Variants in CTNNBL1 observed in about 807,000 individuals in gnomAD.
The protein encoded by CTNNBL1 is catenin beta like 1, also known as beta-catenin-like protein 1.
In CTNNBL1, 31 loss-of-function variants were observed where a neutral mutation model predicts 72.7. The observed-to-expected ratio is 0.43, with a 90% CI of 0.32 to 0.58. CTNNBL1 has a LOEUF of 0.58. Ranked by LOEUF, CTNNBL1 falls within the 20% of genes least tolerant of loss-of-function variation. The pLI is 0.08. For missense variants in CTNNBL1, 534 were observed against 725.1 expected, an observed-to-expected ratio of 0.74 and a Z score of 3.03; for synonymous variants, 240 against 267.3, an observed-to-expected ratio of 0.90 and a Z score of 1.00.
At chr20:37,747,564 T>TTTCAGTG (rs2073278418) in intron 4 of CTNNBL1, among the ~76,000 whole-genome samples, 1 of 152,032 alleles carries the variant, frequency 6.6e-6, no homozygotes, top group Non-Finnish European at 1.5e-5. Flanking sequence ...AACTTTTGTC[T>TTTCAGTG]TTCAGTGTTA....
At chr20:37,861,484 G>A (rs1600536083) in intron 15 of CTNNBL1, among the ~76,000 whole-genome samples, 1 of 152,204 alleles carries the variant, frequency 6.6e-6, no homozygotes, top group East Asian at 1.9e-4. Context: ...TGTCCAGATG[G>A]ACTGGGTAAC....
At chr20:37,755,523 T>C (rs1286157274) in intron 4 of CTNNBL1, among the ~76,000 whole-genome samples, 2 of 152,340 alleles carry the variant, frequency 1.3e-5, no homozygotes, top group African/African-American at 2.4e-5. Flanking sequence ...TGGGTAAATA[T>C]CACCTTTAAG....
At chr20:37,712,108 T>C (rs1395330004) in intron 1 of CTNNBL1, among the ~76,000 whole-genome samples, 1 of 152,232 alleles carries the variant, frequency 6.6e-6, no homozygotes, top group East Asian at 1.9e-4. Context: ...GAAGCCATGC[T>C]GTCCCTGGGA....
chr20:37,726,665 G>A (rs924762706), intron 1 of CTNNBL1, among the ~76,000 whole-genome samples: 4 of 152,010 alleles, frequency 2.6e-5, no homozygotes. Context: ...AAGAATTCTT[G>A]GTTTATTACA....
rs866131081 is a variant in CTNNBL1 at position 37,812,770 on chromosome 20, G to T, written c.1213+9722G>T. ...TGCATTTCTATTATGAGGTAAAAAT[G>T]TAAGGTGAATGAACTGACAGCTCAG... is the stretch of plus-strand genomic sequence containing the variant. On this transcript the variant is annotated intron_variant, in intron 11 of 15. Coordinates refer to ENST00000361383, the MANE Select transcript of CTNNBL1 (RefSeq NM_030877.5). Among the ~76,000 whole-genome samples, 5 of 152,316 alleles carry T rather than the reference G, an allele frequency of 3.3e-5. No individual in the cohort carries two copies. In the South Asian group the frequency reaches 1.0e-3, roughly 32 times the overall value.
At chr20:37,735,670 CA>C (rs1429026559) in intron 2 of CTNNBL1, among the ~76,000 whole-genome samples, 2 of 152,090 alleles carry the variant, frequency 1.3e-5, no homozygotes, top group African/African-American at 4.8e-5. Context: ...ATCTAGGAGT[CA>C]TTGGTATAAT....
chr20:37,779,948 A>G (rs2073611533), intron 10 of CTNNBL1, among the ~76,000 whole-genome samples: 1 of 152,126 alleles, frequency 6.6e-6, no homozygotes, highest in African/African-American at 2.4e-5. Context: ...GTTAGAAGCA[A>G]AAAGGGGAGA....
intron 9 of CTNNBL1, among the ~76,000 whole-genome samples, chr20:37,778,694 G>A (rs1225417979): frequency 2.0e-5 from 3 of 152,178 alleles, no homozygotes; most frequent in East Asian, 1.9e-4. Flanking sequence ...ATTGAGCCAC[G>A]ATTCAGCCCT....
chr20:37,777,801 G>GCCATGTGCTTATTGCAGCT, intron 9 of CTNNBL1, 89 bp downstream of exon 9: 3 of 1,318,676 alleles, frequency 2.3e-6, no homozygotes, highest in South Asian at 2.4e-5. Context: ...GAAGGAATAA[G>GCCATGTGCTTATTGCAGCT]CCATGTGCTG....
At chr20:37,849,908 G>A (rs991888929) in intron 13 of CTNNBL1, among the ~76,000 whole-genome samples, 2 of 152,252 alleles carry the variant, frequency 1.3e-5, no homozygotes, top group Non-Finnish European at 2.9e-5. Context: ...GGATTGTGGG[G>A]CGGATTAAGT....
At chr20:37,714,077 A>G (rs1042974707) in intron 1 of CTNNBL1, among the ~76,000 whole-genome samples, 3 of 152,020 alleles carry the variant, frequency 2.0e-5, no homozygotes, top group African/African-American at 7.2e-5. Flanking sequence ...ACTCTAAAAA[A>G]AAAACAAGAA....
chr20:37,840,060 G>T (rs766012542), intron 11 of CTNNBL1, 42 bp from the exon 12 acceptor site: 53 of 1,445,250 alleles, frequency 3.7e-5, no homozygotes, highest in Non-Finnish European at 4.9e-5. Flanking sequence ...AATAATTACT[G>T]CTCTGATCTC....
chr20:37,779,881 C>T (rs2073611077), intron 10 of CTNNBL1, among the ~76,000 whole-genome samples: 1 of 152,026 alleles, frequency 6.6e-6, no homozygotes, highest in Non-Finnish European at 1.5e-5. Context: ...TATTTATACG[C>T]TAATTCCTGA....
intron 5 of CTNNBL1, among the ~76,000 whole-genome samples, chr20:37,763,780 T>G (rs1239261661): frequency 1.3e-5 from 2 of 152,196 alleles, no homozygotes; most frequent in African/African-American, 4.8e-5. Flanking sequence ...GCCACCAGCT[T>G]TGTGACTTCA....
chr20:37,846,614 G>C (rs1041719962), intron 13 of CTNNBL1, among the ~76,000 whole-genome samples: 5 of 152,066 alleles, frequency 3.3e-5, no homozygotes, highest in Admixed American at 2.6e-4. Context: ...AGGACTGTTT[G>C]TGTCCCCCTG....
At chr20:37,764,795 G>A (rs1039460925) in intron 5 of CTNNBL1, among the ~76,000 whole-genome samples, 5 of 152,184 alleles carry the variant, frequency 3.3e-5, no homozygotes, top group African/African-American at 1.2e-4. Context: ...CTAAAGACGT[G>A]TTTTGGCTTG....
At chr20:37,770,826 A>G (rs760358191) in intron 7 of CTNNBL1, among the ~76,000 whole-genome samples, 8 of 152,238 alleles carry the variant, frequency 5.3e-5, no homozygotes, top group Non-Finnish European at 1.0e-4. Context: ...TTTAGAAGAA[A>G]ACTGTGCTGC....
chr20:37,850,156 A>G (rs1338990026), intron 13 of CTNNBL1, among the ~76,000 whole-genome samples: 1 of 151,340 alleles, frequency 6.6e-6, no homozygotes, highest in East Asian at 1.9e-4. Flanking sequence ...GATTCTCTCA[A>G]GACCAGAGTA....
At chr20:37,779,837 C>A (rs907809664) in intron 10 of CTNNBL1, among the ~76,000 whole-genome samples, 1 of 152,050 alleles carries the variant, frequency 6.6e-6, no homozygotes, top group African/African-American at 2.4e-5. Flanking sequence ...GTTCTAGAAA[C>A]TTTTATTTAT....
Sources: gnomAD v4.1 joint callset for allele counts (sites outside exome capture counted in the v4.1 genomes callset) on GRCh38, gnomAD v4.1.1 for gene constraint, MANE v1.5 for transcripts, NCBI Gene and HGNC (gene_info 2026-07-23, HGNC 2026-07-21) for gene names.